SYNJ2BP: variants seen among roughly 807,000 people sequenced by gnomAD.
SYNJ2BP encodes synaptojanin-2-binding protein.
SYNJ2BP carries 10 observed loss-of-function variants against 16.9 expected under a neutral mutation model. The observed-to-expected ratio is 0.59, with a 90% CI of 0.36 to 1.00. The LOEUF (loss-of-function observed/expected upper bound fraction) is 1.00. Ranked by LOEUF, SYNJ2BP falls within the 50% of genes least tolerant of loss-of-function variation. SYNJ2BP has a pLI of 0.01. For missense variants in SYNJ2BP, 162 were observed against 186.7 expected, an observed-to-expected ratio of 0.87 and a Z score of 0.77; for synonymous variants, 54 against 68.4, an observed-to-expected ratio of 0.79 and a Z score of 1.04.
chr14:70,367,284 AAG>A lies in SYNJ2BP; in HGVS notation c.*5705_*5706del, dbSNP rs1455154099. The A allele has an allele frequency of 6.6e-6, 1 of 152,172 alleles. No homozygotes were observed. The allele number at this position is 152,172 out of a possible 1,614,324, so 9.4% of individuals were successfully genotyped here. A position where few individuals can be genotyped will look rare whatever the true frequency, so the allele number is the denominator to read the frequency against. ...GTTCTGTATATAAATTACATAATAC[AAG>A]AGTCTGTGGCAGTTAAGAATCTGGT... On this transcript the variant is annotated 3_prime_UTR_variant, in exon 4 of 4. Transcript: ENST00000256366.
chr14:70,390,214 C>T (rs958038355), intron 1 of SYNJ2BP, among the ~76,000 whole-genome samples: 4 of 152,120 alleles, frequency 2.6e-5, no homozygotes, highest in Non-Finnish European at 4.4e-5. Flanking sequence ...AAAGGAACTT[C>T]TCTAGGGCTT....
At chr14:70,380,459 C>T (rs758020512) in intron 2 of SYNJ2BP, among the ~76,000 whole-genome samples, 15 of 152,006 alleles carry the variant, frequency 9.9e-5, no homozygotes, top group East Asian at 1.9e-4. Context: ...GTCAGGAGTT[C>T]GAGACCACCC....
chr14:70,381,432 C>A (rs977549377), intron 2 of SYNJ2BP, among the ~76,000 whole-genome samples: 1 of 152,176 alleles, frequency 6.6e-6, no homozygotes, highest in African/African-American at 2.4e-5. Flanking sequence ...GGTAAACCAG[C>A]CCCTAAAACA....
intron 1 of SYNJ2BP, among the ~76,000 whole-genome samples, chr14:70,410,757 CA>C (rs1196190269): frequency 6.6e-6 from 1 of 152,080 alleles, no homozygotes; most frequent in Non-Finnish European, 1.5e-5. Flanking sequence ...AGCAAACTAA[CA>C]AAGGAAGAGA....
At chr14:70,376,535 C>T (rs1887634319) in intron 2 of SYNJ2BP, among the ~76,000 whole-genome samples, 1 of 152,174 alleles carries the variant, frequency 6.6e-6, no homozygotes, top group African/African-American at 2.4e-5. Context: ...ACAGCACAGC[C>T]CACTTAGTGC....
At chr14:70,389,373 C>CTTTT (rs752623860) in intron 1 of SYNJ2BP, among the ~76,000 whole-genome samples, 23 of 94,960 alleles carry the variant, frequency 2.4e-4, no homozygotes, top group African/African-American at 5.7e-4. Context: ...TTGAGAGTTT[C>CTTTT]TTTTTTTTTT....
intron 1 of SYNJ2BP, among the ~76,000 whole-genome samples, chr14:70,397,748 A>G (rs78171353): frequency 0.031 from 4,793 of 152,288 alleles, 106 homozygotes; most frequent in Middle Eastern, 0.075. Context: ...CTCTTCACCC[A>G]CAATGTGGCA....
chr14:70,399,148 TC>T (rs1888175451), intron 1 of SYNJ2BP, among the ~76,000 whole-genome samples: 1 of 152,078 alleles, frequency 6.6e-6, no homozygotes, highest in South Asian at 2.1e-4. Flanking sequence ...CGCTCCCACT[TC>T]CCACCCTGGG....
chr14:70,397,508 C>G (rs1227905682), intron 1 of SYNJ2BP, among the ~76,000 whole-genome samples: 1 of 152,200 alleles, frequency 6.6e-6, no homozygotes, highest in Non-Finnish European at 1.5e-5. Flanking sequence ...CAGGAGACCT[C>G]TGTGTGGCTG....
chr14:70,384,298 T>C (rs922151589), intron 2 of SYNJ2BP, among the ~76,000 whole-genome samples: 3 of 152,166 alleles, frequency 2.0e-5, no homozygotes, highest in African/African-American at 7.2e-5. Context: ...TGGGGCATAT[T>C]TTATAACATG....
At chr14:70,384,870 A>T (rs937624513) in intron 2 of SYNJ2BP, among the ~76,000 whole-genome samples, 2 of 152,078 alleles carry the variant, frequency 1.3e-5, no homozygotes, top group Non-Finnish European at 2.9e-5. Flanking sequence ...TCTTTTCTTT[A>T]TAAATTACCC....
intron 1 of SYNJ2BP, among the ~76,000 whole-genome samples, chr14:70,409,240 G>T (rs937853018): frequency 3.3e-5 from 5 of 151,976 alleles, no homozygotes; most frequent in African/African-American, 1.2e-4. Flanking sequence ...TTAAAAATGG[G>T]GATCATTTCT....
Position 70,417,090 on chromosome 14 carries a change from G to C in SYNJ2BP, c.-127C>G. ...TTCAGCAGCCTCGAGACCCGGAAAAGGAAGCCCGAAGGACTCGGAGCACTG... is the reference window on the plus strand; with the variant it reads ...TTCAGCAGCCTCGAGACCCGGAAAACGAAGCCCGAAGGACTCGGAGCACTG... On this transcript the variant is annotated 5_prime_UTR_variant, in exon 1 of 4. Transcript: ENST00000256366. 2 of 1,446,214 alleles carry C rather than the reference G, an allele frequency of 1.4e-6. 1 individual carries two copies. Among genetic ancestry groups the C allele is most frequent in the South Asian group, 2.5e-5 (2 of 79,058 alleles). 89.6% of individuals were successfully genotyped at this position (1,446,214 alleles called of 1,614,324 possible).
In SYNJ2BP at chr14:70,377,726, T is replaced by TTA. The variant is rs1887663111; in HGVS notation, c.202-1956_202-1955insTA. Reference sequence around the variant, plus strand: ...ACTTCTTCTAACCTCCTTACAAAACTCACAGACACTCTGTCTTCTTGATTA... The same window carrying TTA: ...ACTTCTTCTAACCTCCTTACAAAACTTACACAGACACTCTGTCTTCTTGATTA... On this transcript the variant is annotated intron_variant, in intron 2 of 3. Transcript: ENST00000256366. Among the ~76,000 whole-genome samples, 6 of 152,152 alleles carry TTA rather than the reference T, an allele frequency of 3.9e-5. No individual in the cohort carries two copies. In the South Asian group the frequency reaches 1.2e-3, roughly 32 times the overall value.
At chr14:70,373,364 G>A (rs1887558657) in intron 3 of SYNJ2BP, among the ~76,000 whole-genome samples, 1 of 152,130 alleles carries the variant, frequency 6.6e-6, no homozygotes, top group Non-Finnish European at 1.5e-5. Flanking sequence ...CTGACCTAAA[G>A]GGACCCGTGA....
In SYNJ2BP at chr14:70,369,773, G is replaced by A. The variant is rs1319132545; in HGVS notation, c.*3218C>T. 1 of 152,188 alleles carries A rather than the reference G, an allele frequency of 6.6e-6. No homozygotes were observed. The highest frequency in any genetic ancestry group is 1.5e-5 in the Non-Finnish European group (1 of 68,028). 9.4% of individuals were successfully genotyped at this position (152,188 alleles called of 1,614,324 possible). ...AAACTTCACAGGAAAACAAAGTACA[G>A]CTAGTTGAAGCAAACAATATCTTAT... On this transcript the variant is annotated 3_prime_UTR_variant, in exon 4 of 4. Transcript: ENST00000256366.
intron 3 of SYNJ2BP, 89 bp from the exon 4 acceptor site, chr14:70,373,220 A>G: frequency 6.5e-7 from 1 of 1,528,594 alleles, no homozygotes; most frequent in South Asian, 1.3e-5. Context: ...GGGTTTGTAG[A>G]CTCTAGACCA....
chr14:70,368,224 A>G lies in SYNJ2BP; in HGVS notation c.*4767T>C, dbSNP rs1218862451. 1 of 152,214 alleles carries G rather than the reference A, an allele frequency of 6.6e-6. No homozygotes were observed. The highest frequency in any genetic ancestry group is 1.5e-5 in the Non-Finnish European group (1 of 68,032). 9.4% of individuals were successfully genotyped at this position (152,214 alleles called of 1,614,324 possible). A position where few individuals can be genotyped will look rare whatever the true frequency, so the allele number is the denominator to read the frequency against. On this transcript the variant is annotated 3_prime_UTR_variant, in exon 4 of 4. Coordinates refer to ENST00000256366, the MANE Select transcript of SYNJ2BP (RefSeq NM_018373.3). ...ATCTGATTGGATTTGATATGAGATC[A>G]TTCTCAGATTGTTCTGTGGAATCTC... is the stretch of plus-strand genomic sequence containing the variant.
At chr14:70,409,485 G>A (rs534835664) in intron 1 of SYNJ2BP, among the ~76,000 whole-genome samples, 1 of 152,248 alleles carries the variant, frequency 6.6e-6, no homozygotes, top group East Asian at 1.9e-4. Flanking sequence ...AAATGTTTCT[G>A]CAGTTGAACA....
Sources: allele counts gnomAD v4.1 joint callset (sites outside exome capture counted in the v4.1 genomes callset), GRCh38; gene constraint gnomAD v4.1.1; transcripts MANE v1.5; gene names NCBI Gene and HGNC (gene_info 2026-07-23, HGNC 2026-07-21).